Variants in RTTN observed in about 807,000 individuals in gnomAD.
The protein encoded by RTTN is rotatin.
RTTN carries 182 observed loss-of-function variants against 269.2 expected under a neutral mutation model. That is an observed-to-expected ratio of 0.68 (90% confidence interval 0.60 to 0.76). RTTN has a LOEUF of 0.76. Among genes scored for constraint, RTTN ranks in the 30% least tolerant of loss-of-function variants. The pLI is 0.00. For synonymous variants in RTTN, 1,006 were observed against 963.5 expected (o/e 1.04, Z -0.82); for missense variants, 2,545 against 2,608.6 (o/e 0.98, Z 0.53).
chr18:70,051,406 C>T lies in RTTN; in HGVS notation c.5323+5G>A. ...GCCCCCAAGATTATGCAAGTATCTT[C>T]TTACCAATCGCCGCTGTCCAGTGCT... On this transcript the variant is annotated splice_donor_5th_base_variant and intron_variant, in intron 39 of 48. Transcript: ENST00000640769. 6.3e-7 allele frequency: 1 copy of T among 1,599,654 alleles called. No homozygotes were observed. The highest frequency in any genetic ancestry group is 8.5e-7 in the Non-Finnish European group (1 of 1,176,328).
intron 39 of RTTN, among the ~76,000 whole-genome samples, chr18:70,050,479 T>A (rs915462461): frequency 1.3e-5 from 2 of 152,122 alleles, no homozygotes; most frequent in African/African-American, 2.4e-5. Context: ...CTGGTGGGAG[T>A]ATAAGTTAGT....
chr18:70,013,956 T>C (rs1252748177), intron 46 of RTTN, among the ~76,000 whole-genome samples: 6 of 152,214 alleles, frequency 3.9e-5, no homozygotes, highest in Non-Finnish European at 8.8e-5. Context: ...TCTGCTGCAT[T>C]CTGGATAATA....
Position 70,169,309 on chromosome 18 carries a change from TACTA to T in RTTN, c.1477-246_1477-243del, listed in dbSNP as rs532440539. Reference sequence around the variant, plus strand: ...ATCAACTCTTTCTCAAAGCCTAAGATACTAACTACTTTCTTCTTCCCCAAACCAA... The same window carrying T: ...ATCAACTCTTTCTCAAAGCCTAAGATACTACTTTCTTCTTCCCCAAACCAA... On this transcript the variant is annotated intron_variant, in intron 11 of 48. Transcript: ENST00000640769. Among the ~76,000 whole-genome samples, 759 of 152,314 alleles carry T rather than the reference TACTA, an allele frequency of 5.0e-3. 3 individuals carry two copies. The highest frequency in any genetic ancestry group is 7.7e-3 in the South Asian group (37 of 4,832).
In RTTN at chr18:70,188,189, C is replaced by A; in HGVS notation, c.1224G>T (p.Leu408Phe). ...SRQVIIRVLELLTEDMTLIGE... is the reference protein window; with the variant it reads ...SRQVIIRVLEFLTEDMTLIGE... ...CAATAAGTGTCATATCCTCTGTAAG[C>A]AATTCCAGAACTCTTATTATCACTT... The change falls in exon 10 of 49, where the codon TTG becomes TTT. Residue 408 changes from leucine to phenylalanine, a missense_variant. Coordinates refer to ENST00000640769, the MANE Select transcript of RTTN (RefSeq NM_173630.4). The A allele has an allele frequency of 6.2e-7, 1 of 1,610,182 alleles. No homozygotes were observed. The highest frequency in any genetic ancestry group is 8.5e-7 in the Non-Finnish European group (1 of 1,176,920).
At chr18:70,142,138 T>A in intron 19 of RTTN, 150 bp downstream of exon 19, 2 of 580,556 alleles carry the variant, frequency 3.4e-6, no homozygotes, top group South Asian at 4.7e-5. Flanking sequence ...ACTCTAAAGA[T>A]GCAAAAACCA....
intron 28 of RTTN, among the ~76,000 whole-genome samples, chr18:70,105,006 C>G (rs997042694): frequency 2.0e-5 from 3 of 152,130 alleles, no homozygotes; most frequent in African/African-American, 4.8e-5. Flanking sequence ...AACGGGAGAA[C>G]CAGTACTCTC....
chr18:70,059,609 AAGC>A (rs1329647055), intron 36 of RTTN, among the ~76,000 whole-genome samples: 2 of 152,220 alleles, frequency 1.3e-5, no homozygotes, highest in Non-Finnish European at 2.9e-5. Context: ...GAATTTTAGA[AAGC>A]AGGAGTTTTT....
At chr18:70,086,424 T>C (rs1261523609) in intron 32 of RTTN, among the ~76,000 whole-genome samples, 189 bp downstream of exon 32, 3 of 152,150 alleles carry the variant, frequency 2.0e-5, no homozygotes, top group Non-Finnish European at 4.4e-5. Context: ...CTTTAAATTA[T>C]TGTGAACACT....
intron 40 of RTTN, among the ~76,000 whole-genome samples, chr18:70,037,916 C>T (rs949898965): frequency 2.0e-5 from 3 of 152,124 alleles, no homozygotes; most frequent in African/African-American, 7.2e-5. Context: ...TGGCAACATT[C>T]GTCACAGAAT....
At position 70,128,373 on chromosome 18, in the gene RTTN, T is replaced by C. The variant is rs945861176; in HGVS notation, c.3128A>G (p.Glu1043Gly). 2.6e-5 allele frequency: 42 copies of C among 1,611,996 alleles called. No homozygotes were observed. Among genetic ancestry groups the C allele is most frequent in the Non-Finnish European group, 2.8e-5 (33 of 1,178,774 alleles). The change falls in exon 24 of 49, where the codon GAA becomes GGA. Residue 1043 changes from glutamate (E) to glycine (G), a missense_variant. Physicochemically the swap from Glu to Gly is moderately conservative, Grantham distance 98 (BLOSUM62 -2). Transcript: ENST00000640769. Reference protein sequence around the residue: ...SDNLLKQMNSETKTQEILDAL... With the variant: ...SDNLLKQMNSGTKTQEILDAL... ...AAGAGCTTACTCTTGCGTTTTAGTT[T>C]CAGAGTTCATTTGCTTCAACAGATT... is the stretch of plus-strand genomic sequence containing the variant.
At chr18:70,204,013 A>G in intron 3 of RTTN, 73 bp downstream of exon 3, 2 of 1,195,138 alleles carry the variant, frequency 1.7e-6, no homozygotes, top group South Asian at 3.2e-5. Context: ...TTTTAAAAAA[A>G]TCTAATCTCC....
intron 46 of RTTN, among the ~76,000 whole-genome samples, chr18:70,015,282 C>T (rs1568241296): frequency 2.0e-5 from 3 of 151,968 alleles, no homozygotes; most frequent in African/African-American, 7.3e-5. Context: ...AGACTGATCT[C>T]AAACTCTTGA....
At chr18:70,199,608 G>A (rs1400357486) in intron 4 of RTTN, 104 bp from the exon 5 acceptor site, 2 of 763,890 alleles carry the variant, frequency 2.6e-6, no homozygotes, top group Non-Finnish European at 4.4e-6. Context: ...CAAAATAAAG[G>A]CTGCATCTTA....
chr18:70,048,249 A>T, intron 39 of RTTN, 61 bp from the exon 40 acceptor site: 3 of 1,447,302 alleles, frequency 2.1e-6, no homozygotes, highest in East Asian at 2.3e-5. Flanking sequence ...ACAAAAAGGA[A>T]ATCAAGTTGA....
chr18:70,036,850 C>G (rs4578765), intron 40 of RTTN, among the ~76,000 whole-genome samples: 7,385 of 152,208 alleles, frequency 0.049, 259 homozygotes, highest in African/African-American at 0.097. Context: ...AATCACAGTA[C>G]CTGGTTTTAA....
chr18:70,063,965 C>CTTTTTTTTTTTTT, intron 35 of RTTN, among the ~76,000 whole-genome samples: 1 of 131,214 alleles, frequency 7.6e-6, no homozygotes, highest in Non-Finnish European at 1.6e-5. Flanking sequence ...CTTTTATATG[C>CTTTTTTTTTTTTT]TTTTTTTTTT....
chr18:70,191,235 T>C (rs1475577576), intron 8 of RTTN, among the ~76,000 whole-genome samples: 3 of 151,236 alleles, frequency 2.0e-5, no homozygotes, highest in Middle Eastern at 3.5e-3. Context: ...AAGCCAAAAA[T>C]GCATCTATAT....
intron 40 of RTTN, among the ~76,000 whole-genome samples, chr18:70,043,957 A>AT (rs1306917045): frequency 1.3e-5 from 2 of 152,246 alleles, no homozygotes; most frequent in African/African-American, 2.4e-5. Context: ...GATAACTAGC[A>AT]AATACACAAA....
chr18:70,081,773 TTTTTTTTTC>T (rs2058575258), intron 32 of RTTN, among the ~76,000 whole-genome samples: 1 of 151,440 alleles, frequency 6.6e-6, no homozygotes, highest in African/African-American at 2.4e-5. Flanking sequence ...CAGGATTGGA[TTTTTTTTTC>T]TTTTTTTTCT....
Sources: allele counts gnomAD v4.1 joint callset (sites outside exome capture counted in the v4.1 genomes callset), GRCh38; gene constraint gnomAD v4.1.1; transcripts MANE v1.5; gene names NCBI Gene and HGNC (gene_info 2026-07-23, HGNC 2026-07-21).